The following LRRC75A variants were observed in gnomAD, a reference collection of about 807,000 sequenced individuals.
LRRC75A encodes leucine rich repeat containing 75A, also known as leucine-rich repeat-containing protein 75A.
LRRC75A carries 12 observed loss-of-function variants against 26.0 expected under a neutral mutation model. The observed-to-expected ratio is 0.46, with a 90% CI of 0.30 to 0.75. The LOEUF (loss-of-function observed/expected upper bound fraction) is 0.75. Among genes scored for constraint, LRRC75A ranks in the 30% least tolerant of loss-of-function variants. The probability of loss-of-function intolerance (pLI) is 0.08; values close to 1 mark genes in which losing one functional copy is unlikely to be tolerated. For synonymous variants in LRRC75A, 223 were observed against 219.3 expected (o/e 1.02, Z -0.15); for missense variants, 410 against 486.6 (o/e 0.84, Z 1.48).
chr17:16,470,524 C>G (rs1478216833), intron 1 of LRRC75A: 6 of 152,306 alleles, frequency 3.9e-5, no homozygotes, highest in African/African-American at 1.4e-4. Context: ...CCCCTCCTGG[C>G]TCTAGAACAT....
chr17:16,455,827 C>G (rs926928320), intron 2 of LRRC75A, among the ~76,000 whole-genome samples: 1 of 152,238 alleles, frequency 6.6e-6, no homozygotes, highest in African/African-American at 2.4e-5. Context: ...ATGCTCCTAA[C>G]CGCTATCTGC....
intron 1 of LRRC75A, among the ~76,000 whole-genome samples, chr17:16,483,382 G>C (rs2093839032): frequency 1.3e-5 from 2 of 152,232 alleles, no homozygotes; most frequent in African/African-American, 4.8e-5. Context: ...GGCAGTATGG[G>C]GGTCGGCCCC....
chr17:16,486,031 A>C (rs1436132922), intron 1 of LRRC75A, among the ~76,000 whole-genome samples: 1 of 152,146 alleles, frequency 6.6e-6, no homozygotes, highest in Non-Finnish European at 1.5e-5. Flanking sequence ...CTGTCTCCTG[A>C]GAGAGAACGC....
intron 2 of LRRC75A, among the ~76,000 whole-genome samples, chr17:16,455,504 G>A (rs548487080): frequency 3.3e-5 from 5 of 151,912 alleles, no homozygotes; most frequent in Non-Finnish European, 7.4e-5. Flanking sequence ...TCAGCCTCCC[G>A]AGTAGCTGGG....
chr17:16,453,721 G>C (rs2093654272), intron 2 of LRRC75A, among the ~76,000 whole-genome samples: 1 of 152,156 alleles, frequency 6.6e-6, no homozygotes, highest in South Asian at 2.1e-4. Context: ...GCCGGGGCCA[G>C]CAGAGAGCTT....
intron 2 of LRRC75A, among the ~76,000 whole-genome samples, chr17:16,456,175 GGAGGAGGAAGAGGAGGA>G (rs2093677864): frequency 2.6e-5 from 3 of 116,522 alleles, no homozygotes; most frequent in Admixed American, 8.1e-5. Context: ...AGGAGGGGTA[GGAGGAGGAAGAGGAGGA>G]AGGAGGAGGA....
At chr17:16,445,040 G>T (rs574265383) in intron 3 of LRRC75A, among the ~76,000 whole-genome samples, 1 of 151,318 alleles carries the variant, frequency 6.6e-6, no homozygotes, top group African/African-American at 2.4e-5. Context: ...GTAGAGACGG[G>T]GTTTCACCAT....
At chr17:16,476,374 A>AT (rs2093819641) in intron 1 of LRRC75A, among the ~76,000 whole-genome samples, 5 of 151,434 alleles carry the variant, frequency 3.3e-5, no homozygotes, top group African/African-American at 1.2e-4. Context: ...TCTCAAAAAA[A>AT]AAAATTTTTT....
In LRRC75A at chr17:16,462,121, G is replaced by T; in HGVS notation, c.375+137C>A. On this transcript the variant is annotated intron_variant, in intron 2 of 3. Transcript: ENST00000470794. The surrounding 1 kb of genome is among the most constrained non-coding windows in gnomAD (Gnocchi z 4.6). The stretch of plus-strand genomic sequence containing the variant: ...GTGGCACCAAGGGAGAGCACCTCAA[G>T]CTCTTGGTGCCTGGAGGACGGGCTT... The T allele has an allele frequency of 2.7e-6, 3 of 1,125,704 alleles. No individual in the cohort carries two copies. The highest frequency in any genetic ancestry group is 3.7e-6 in the Non-Finnish European group (3 of 803,246). 69.7% of individuals were successfully genotyped at this position (1,125,704 alleles called of 1,614,324 possible).
chr17:16,473,216 A>G (rs914638195), intron 1 of LRRC75A, among the ~76,000 whole-genome samples: 3 of 152,114 alleles, frequency 2.0e-5, no homozygotes, highest in East Asian at 3.9e-4. Flanking sequence ...TGCAGAGTCC[A>G]GGGCAGGGAG....
rs1491234254 is a variant in LRRC75A, at chr17:16,456,322, A to AAGGAAGAGG, written c.375+5935_375+5936insCCTCTTCCT. ...GGAAGAGGAGGAGGAGGAAGAGGAG[A>AAGGAAGAGG]AGAAGGAAGAGGAGGAGGAAGAGAA... On this transcript the variant is annotated intron_variant, in intron 2 of 3. Coordinates refer to ENST00000470794, the MANE Select transcript of LRRC75A (RefSeq NM_001113567.3). 3.5e-3 allele frequency among the ~76,000 whole-genome samples: 125 copies of AAGGAAGAGG among 36,198 alleles called. 1 individual carries two copies. Among genetic ancestry groups the AAGGAAGAGG allele is most frequent in the Non-Finnish European group, 5.2e-3 (98 of 18,896 alleles). The allele number at this position is 36,198 out of a possible 152,430, so 23.7% of individuals were successfully genotyped here. A position where few individuals can be genotyped will look rare whatever the true frequency, so the allele number is the denominator to read the frequency against.
At chr17:16,455,911 G>GA (rs918125176) in intron 2 of LRRC75A, among the ~76,000 whole-genome samples, 3 of 152,244 alleles carry the variant, frequency 2.0e-5, no homozygotes, top group African/African-American at 7.2e-5. Flanking sequence ...AACCAGAAAA[G>GA]CCTTCAGTGA....
chr17:16,445,002 C>T (rs1186876900), intron 3 of LRRC75A, among the ~76,000 whole-genome samples: 1 of 151,512 alleles, frequency 6.6e-6, no homozygotes, highest in Admixed American at 6.6e-5. Context: ...GCGTCTGCCA[C>T]CACGCCTGGC....
Position 16,448,445 on chromosome 17 carries a change from C to T in LRRC75A, c.376-485G>A, listed in dbSNP as rs548808278. ...TAAAGGGGAAAATGAGATATTTTTA[C>T]CTGTGTCTCCCTCAAAAGTGAGAAC... On this transcript the variant is annotated intron_variant, in intron 2 of 3. Coordinates refer to ENST00000470794, the MANE Select transcript of LRRC75A (RefSeq NM_001113567.3). Among the ~76,000 whole-genome samples the T allele has an allele frequency of 2.4e-4, 37 of 152,328 alleles. No individual in the cohort carries two copies. The South Asian group carries it at 6.2e-3, about 26-fold the overall frequency.
At chr17:16,456,052 AGAG>A (rs1199191685) in intron 2 of LRRC75A, among the ~76,000 whole-genome samples, 1 of 127,894 alleles carries the variant, frequency 7.8e-6, no homozygotes, top group Non-Finnish European at 1.6e-5. Flanking sequence ...GGGGGGAGGG[AGAG>A]GAGGAGAAGG....
chr17:16,476,840 G>T (rs761198584), intron 1 of LRRC75A, among the ~76,000 whole-genome samples: 5 of 146,504 alleles, frequency 3.4e-5, no homozygotes, highest in African/African-American at 7.6e-5. Flanking sequence ...CCGGGTTCAC[G>T]CCATTCTCCT....
At chr17:16,482,655 C>T (rs2093837293) in intron 1 of LRRC75A, among the ~76,000 whole-genome samples, 1 of 152,240 alleles carries the variant, frequency 6.6e-6, no homozygotes, top group Non-Finnish European at 1.5e-5. Context: ...CCGTGCCCTG[C>T]ACCTGTGTAG....
chr17:16,450,390 G>A (rs188521234), intron 2 of LRRC75A, among the ~76,000 whole-genome samples: 139 of 152,304 alleles, frequency 9.1e-4, no homozygotes, highest in Middle Eastern at 3.4e-3. Flanking sequence ...TGAACAGAAC[G>A]GATTTGGAGG....
In LRRC75A at chr17:16,462,874, G is replaced by T. The variant is rs1601155620; in HGVS notation, c.247-488C>A. On this transcript the variant is annotated intron_variant, in intron 1 of 3. Transcript: ENST00000470794. The surrounding 1 kb of genome is among the most constrained non-coding windows in gnomAD (Gnocchi z 4.6). ...GTTCCTTTGCCTTGGGGGTTTCTGA[G>T]TGGTGGGGTTGTAAGCAGATCCTGC... The T allele has an allele frequency of 5.9e-6, 1 of 168,638 alleles. No individual in the cohort carries two copies. Among genetic ancestry groups the T allele is most frequent in the Non-Finnish European group, 1.3e-5 (1 of 77,932 alleles). The allele number at this position is 168,638 out of a possible 1,614,324, so 10.4% of individuals were successfully genotyped here. A position where few individuals can be genotyped will look rare whatever the true frequency, so the allele number is the denominator to read the frequency against.
Sources: gnomAD v4.1 joint callset for allele counts (sites outside exome capture counted in the v4.1 genomes callset) on GRCh38, gnomAD v4.1.1 for gene constraint, Gnocchi (gnomAD v3.1) non-coding constraint, MANE v1.5 for transcripts, NCBI Gene and HGNC (gene_info 2026-07-23, HGNC 2026-07-21) for gene names.